Variants in GIPC2 observed in about 807,000 individuals in gnomAD.
The protein encoded by GIPC2 is GIPC PDZ domain containing family member 2.
In GIPC2, 30 loss-of-function variants were observed where a neutral mutation model predicts 30.6. The observed-to-expected ratio is 0.98, with a 90% CI of 0.73 to 1.33. The LOEUF (loss-of-function observed/expected upper bound fraction) is 1.33, where lower values mean the gene tolerates loss of function less well. Among genes scored for constraint, GIPC2 ranks in the 40% most tolerant of loss-of-function variants. GIPC2 has a pLI of 0.00. For missense variants in GIPC2, 414 were observed against 390.3 expected (o/e 1.06, Z -0.51); for synonymous variants, 167 against 150.0 (o/e 1.11, Z -0.83).
At chr1:78,055,602 C>A (rs1661274468) in intron 1 of GIPC2, among the ~76,000 whole-genome samples, 1 of 152,182 alleles carries the variant, frequency 6.6e-6, no homozygotes, top group Non-Finnish European at 1.5e-5. Context: ...TTGCTCCTCC[C>A]ATTATTACCT....
chr1:78,093,935 G>C (rs1662089218), intron 2 of GIPC2, among the ~76,000 whole-genome samples: 1 of 151,822 alleles, frequency 6.6e-6, no homozygotes, highest in Non-Finnish European at 1.5e-5. Flanking sequence ...GAAATTCTTG[G>C]TGCCATCTTG....
chr1:78,049,761 G>A (rs569190444), intron 1 of GIPC2, among the ~76,000 whole-genome samples: 4 of 152,280 alleles, frequency 2.6e-5, no homozygotes, highest in South Asian at 4.1e-4. Context: ...GAGACTCTGA[G>A]AAGTTAAATA....
chr1:78,065,583 A>G (rs1661491194), intron 1 of GIPC2, among the ~76,000 whole-genome samples: 1 of 152,230 alleles, frequency 6.6e-6, no homozygotes, highest in African/African-American at 2.4e-5. Flanking sequence ...AAGAGCCTGA[A>G]TAGCCAAGGC....
intron 1 of GIPC2, among the ~76,000 whole-genome samples, chr1:78,051,880 G>A (rs796396552): frequency 1.3e-5 from 2 of 152,108 alleles, no homozygotes; most frequent in South Asian, 2.1e-4. Flanking sequence ...TTTGACACCT[G>A]TTCCCATCCC....
At chr1:78,065,313 A>G (rs1407024512) in intron 1 of GIPC2, among the ~76,000 whole-genome samples, 2 of 152,110 alleles carry the variant, frequency 1.3e-5, no homozygotes, top group Admixed American at 1.3e-4. Context: ...TTCATTCACA[A>G]TTACCACATG....
intron 5 of GIPC2, among the ~76,000 whole-genome samples, chr1:78,131,868 G>T (rs1305389610): frequency 6.6e-6 from 1 of 152,210 alleles, no homozygotes; most frequent in Non-Finnish European, 1.5e-5. Context: ...GTTTTTAAAA[G>T]ATGTATAGAG....
In GIPC2 at chr1:78,119,482, G is replaced by A; in HGVS notation, c.697G>A (p.Ala233Thr). Residue 233 changes from alanine (A) to threonine (T), a missense_variant, in exon 4 of 6, where the codon GCC becomes ACC. By Grantham distance (58) the Ala-to-Thr change is moderately conservative (BLOSUM62 0). Coordinates refer to ENST00000370759, the MANE Select transcript of GIPC2 (RefSeq NM_017655.6). ...ACTTCGCCTGAGATCAAAAGGTCCT[G>A]CCACCGTGGAAGAAATGGTATGTTA... ...ATLRLRSKGPATVEEMPSETK... is the reference protein window; with the variant it reads ...ATLRLRSKGPTTVEEMPSETK... 6.2e-7 allele frequency: 1 copy of A among 1,605,066 alleles called. No individual in the cohort carries two copies. The highest frequency in any genetic ancestry group is 8.5e-7 in the Non-Finnish European group (1 of 1,171,904).
chr1:78,088,831 TAAA>T (rs67286239), intron 2 of GIPC2, among the ~76,000 whole-genome samples: 4 of 141,178 alleles, frequency 2.8e-5, no homozygotes, highest in African/African-American at 7.9e-5. Context: ...CACTGTCTCT[TAAA>T]AAAAAAAAAA....
chr1:78,079,024 G>A (rs1343991262), intron 1 of GIPC2, among the ~76,000 whole-genome samples: 1 of 152,118 alleles, frequency 6.6e-6, no homozygotes, highest in Admixed American at 6.5e-5. Context: ...GTTAGGATCA[G>A]AAATATGCAC....
intron 3 of GIPC2, among the ~76,000 whole-genome samples, chr1:78,119,053 T>A (rs1662628322): frequency 6.6e-6 from 1 of 152,142 alleles, no homozygotes; most frequent in Admixed American, 6.5e-5. Context: ...ACATGATTCT[T>A]TCCCTTTTTT....
chr1:78,112,525 T>C (rs1417855932), intron 3 of GIPC2: 1 of 519,038 alleles, frequency 1.9e-6, no homozygotes, highest in Admixed American at 1.9e-5. Flanking sequence ...TAGGTGCTGC[T>C]CCATACTCCA....
In GIPC2 at chr1:78,094,936, A is replaced by G; in HGVS notation, c.427-16A>G. ...CAGTTCTATTTTATATTATGTTATC[A>G]TCAATTTCCTTTCAGAGAATTAAAG... is the stretch of plus-strand genomic sequence containing the variant. On this transcript the variant is annotated splice_polypyrimidine_tract_variant and intron_variant, in intron 2 of 5. Coordinates refer to ENST00000370759, the MANE Select transcript of GIPC2 (RefSeq NM_017655.6). 1 of 1,513,196 alleles carries G rather than the reference A, an allele frequency of 6.6e-7. No homozygotes were observed. The highest frequency in any genetic ancestry group is 9.2e-7 in the Non-Finnish European group (1 of 1,089,650). 93.7% of individuals were successfully genotyped at this position (1,513,196 alleles called of 1,614,324 possible).
intron 3 of GIPC2, among the ~76,000 whole-genome samples, chr1:78,115,437 T>C (rs1052658846): frequency 6.6e-6 from 1 of 152,220 alleles, no homozygotes; most frequent in Non-Finnish European, 1.5e-5. Context: ...GGAGGTTGCA[T>C]GTCTTAAGGT....
At chr1:78,072,973 T>A (rs1432539409) in intron 1 of GIPC2, among the ~76,000 whole-genome samples, 42 of 9,550 alleles carry the variant, frequency 4.4e-3, no homozygotes, top group Admixed American at 7.4e-3. Context: ...CCCAGCTAAT[T>A]TTTTTTTTTG....
chr1:78,121,941 A>T (rs539846153), intron 4 of GIPC2, among the ~76,000 whole-genome samples: 64 of 152,302 alleles, frequency 4.2e-4, no homozygotes, highest in Admixed American at 3.2e-3. Flanking sequence ...GGCTGTGAGG[A>T]AAAATGAGCA....
intron 5 of GIPC2, among the ~76,000 whole-genome samples, chr1:78,129,968 C>A (rs797007499): frequency 6.8e-6 from 1 of 146,584 alleles, no homozygotes; most frequent in African/African-American, 2.6e-5. Flanking sequence ...AAAATCTTTT[C>A]TTTTTTTTTT....
intron 1 of GIPC2, among the ~76,000 whole-genome samples, chr1:78,057,915 C>T (rs995966517): frequency 1.4e-4 from 21 of 152,176 alleles, no homozygotes; most frequent in Admixed American, 1.0e-3. Flanking sequence ...GGGTTATTCT[C>T]TGAACTCTTA....
intron 4 of GIPC2, among the ~76,000 whole-genome samples, chr1:78,120,277 C>T (rs1662654994): frequency 6.6e-6 from 1 of 152,204 alleles, no homozygotes; most frequent in South Asian, 2.1e-4. Context: ...CTGCTTCAGT[C>T]ATGCTGATCT....
chr1:78,123,398 G>A (rs1662721385), intron 4 of GIPC2, among the ~76,000 whole-genome samples: 1 of 152,032 alleles, frequency 6.6e-6, no homozygotes, highest in Admixed American at 6.6e-5. Flanking sequence ...TCATGAGATT[G>A]GAGTGTGGGG....
Sources: allele counts gnomAD v4.1 joint callset (sites outside exome capture counted in the v4.1 genomes callset), GRCh38; gene constraint gnomAD v4.1.1; transcripts MANE v1.5; gene names NCBI Gene and HGNC (gene_info 2026-07-23, HGNC 2026-07-21).